KYNU: variants seen among roughly 807,000 people sequenced by gnomAD.
KYNU encodes the protein L-kynurenine hydrolase.
A neutral mutation model predicts 59.2 loss-of-function variants in KYNU; 54 were observed. The observed-to-expected ratio is 0.91, with a 90% CI of 0.73 to 1.14. The LOEUF (loss-of-function observed/expected upper bound fraction) is 1.14. KYNU is among the 50% of genes most tolerant of loss of function. KYNU has a pLI of 0.00. For synonymous variants in KYNU, 177 were observed against 192.0 expected, an observed-to-expected ratio of 0.92 and a Z score of 0.65; for missense variants, 567 against 554.4, an observed-to-expected ratio of 1.02 and a Z score of -0.23.
intron 2 of KYNU, among the ~76,000 whole-genome samples, chr2:142,888,383 A>T (rs1429729140): frequency 6.6e-6 from 1 of 152,198 alleles, no homozygotes; most frequent in African/African-American, 2.4e-5. Context: ...ACCTAAGCCC[A>T]GTAGTTCAAG....
chr2:143,026,663 C>T (rs1197119174), intron 10 of KYNU, among the ~76,000 whole-genome samples: 1 of 152,262 alleles, frequency 6.6e-6, no homozygotes, highest in Non-Finnish European at 1.5e-5. Context: ...GCAGGCCCCA[C>T]AGCAGACTCC....
chr2:142,878,385 T>A (rs1681174386), intron 1 of KYNU, among the ~76,000 whole-genome samples: 1 of 152,184 alleles, frequency 6.6e-6, no homozygotes, highest in Non-Finnish European at 1.5e-5. Flanking sequence ...ATCCTAGATA[T>A]GAAATATACA....
rs1380008067 is a variant in KYNU at position 143,049,428 on chromosome 2, C to CTA, written c.*7259_*7260dup. On this transcript the variant is annotated 3_prime_UTR_variant, in exon 14 of 14. Coordinates refer to ENST00000264170, the MANE Select transcript of KYNU (RefSeq NM_003937.3). ...TCAAACTTTGGGGTCAGGCCACACA[C>CTA]TATAAAGGATTGGAAAAAAAAATGA... 6.6e-6 allele frequency: 1 copy of CTA among 151,970 alleles called. No individual in the cohort carries two copies. The highest frequency in any genetic ancestry group is 1.5e-5 in the Non-Finnish European group (1 of 68,022). The allele number at this position is 151,970 out of a possible 1,614,324, so 9.4% of individuals were successfully genotyped here.
In KYNU at chr2:143,040,565, G is replaced by A. The variant is rs145299669; in HGVS notation, c.1179G>A (p.Pro393=). The change falls in exon 13 of 14, where the codon CCG becomes CCA. Residue 393 remains proline (P), a synonymous_variant. Transcript: ENST00000264170. ...AACCAGTTGTGAACATAATTACTCC[G>A]TCTCATGTAGAGGAGCGGGGGTGCC... ...TKKPVVNIIT[P]SHVEERGCQL... is the part of the protein sequence containing the mutation. The A allele has an allele frequency of 3.4e-5, 55 of 1,612,694 alleles. No homozygotes were observed. Among genetic ancestry groups the A allele is most frequent in the Non-Finnish European group, 4.2e-5 (49 of 1,179,178 alleles).
intron 10 of KYNU, among the ~76,000 whole-genome samples, chr2:143,005,971 A>G (rs1179045261): frequency 3.3e-5 from 5 of 152,194 alleles, no homozygotes; most frequent in Admixed American, 6.5e-5. Flanking sequence ...CTGTAAGTAG[A>G]GTCTAGAATA....
chr2:143,017,738 A>G (rs941596865), intron 10 of KYNU, among the ~76,000 whole-genome samples: 1 of 151,686 alleles, frequency 6.6e-6, no homozygotes, highest in African/African-American at 2.4e-5. Context: ...ATGCCCGGCC[A>G]TTTTTTTAAC....
chr2:142,956,232 A>G lies in KYNU; in HGVS notation c.465A>G (p.Arg155=), dbSNP rs1684160417. 6.9e-6 allele frequency: 11 copies of G among 1,603,838 alleles called. No homozygotes were observed. The highest frequency in any genetic ancestry group is 6.7e-5 in the African/African-American group (5 of 74,800). ...CATTTTTTAAGCCTACGCCAAAACGATATAAAATTCTTCTAGAAGCCAAAG... is the reference window on the plus strand; with the variant it reads ...CATTTTTTAAGCCTACGCCAAAACGGTATAAAATTCTTCTAGAAGCCAAAG... ...MLSFFKPTPK[R]YKILLEAKAF... Residue 155 remains arginine, a synonymous_variant, in exon 6 of 14, where the codon CGA becomes CGG. Coordinates refer to ENST00000264170, the MANE Select transcript of KYNU (RefSeq NM_003937.3).
chr2:142,886,867 C>T (rs1409364700), intron 2 of KYNU, among the ~76,000 whole-genome samples: 1 of 152,088 alleles, frequency 6.6e-6, no homozygotes, highest in Admixed American at 6.6e-5. Flanking sequence ...AGTCAGAACC[C>T]AGTTTAAAAA....
intron 1 of KYNU, among the ~76,000 whole-genome samples, chr2:142,881,741 T>C (rs779399374): frequency 6.6e-6 from 1 of 152,028 alleles, no homozygotes; most frequent in Non-Finnish European, 1.5e-5. Context: ...AAACTTAATA[T>C]ATCCTAAATA....
At chr2:142,882,445 C>T (rs1301669375) in intron 1 of KYNU, among the ~76,000 whole-genome samples, 1 of 151,988 alleles carries the variant, frequency 6.6e-6, no homozygotes, top group Admixed American at 6.6e-5. Flanking sequence ...TCGTCATTTA[C>T]ATTACATATT....
At chr2:143,024,569 T>C (rs552573197) in intron 10 of KYNU, among the ~76,000 whole-genome samples, 1 of 152,198 alleles carries the variant, frequency 6.6e-6, no homozygotes, top group South Asian at 2.1e-4. Flanking sequence ...ATTTCTATAT[T>C]AGTCTCTGTC....
chr2:142,984,281 TA>T (rs777379309), intron 8 of KYNU, among the ~76,000 whole-genome samples: 4 of 152,186 alleles, frequency 2.6e-5, no homozygotes, highest in South Asian at 4.1e-4. Flanking sequence ...GTATTACTAC[TA>T]TATTCATCAG....
At chr2:142,979,367 A>AT (rs1223689750) in intron 8 of KYNU, among the ~76,000 whole-genome samples, 1 of 152,094 alleles carries the variant, frequency 6.6e-6, no homozygotes, top group Non-Finnish European at 1.5e-5. Flanking sequence ...TCATTCATTT[A>AT]TTTTTTTATT....
At chr2:143,022,511 CA>C (rs1686438347) in intron 10 of KYNU, among the ~76,000 whole-genome samples, 2 of 151,810 alleles carry the variant, frequency 1.3e-5, no homozygotes, top group South Asian at 4.1e-4. Flanking sequence ...AATAGCATCA[CA>C]AAAAATGATA....
chr2:143,002,642 A>C (rs1685736374), intron 10 of KYNU, among the ~76,000 whole-genome samples: 1 of 152,236 alleles, frequency 6.6e-6, no homozygotes, highest in Non-Finnish European at 1.5e-5. Context: ...AAATAAGAAG[A>C]AAGATTGAAA....
chr2:143,032,291 A>AC (rs898473938), intron 11 of KYNU, among the ~76,000 whole-genome samples: 2 of 83,466 alleles, frequency 2.4e-5, no homozygotes, highest in African/African-American at 6.8e-5. Flanking sequence ...AACAAAAACA[A>AC]AAAAAAAAAA....
intron 2 of KYNU, among the ~76,000 whole-genome samples, chr2:142,913,503 C>A (rs1682572619): frequency 6.6e-6 from 1 of 152,092 alleles, no homozygotes; most frequent in Non-Finnish European, 1.5e-5. Context: ...TAGTGTACTT[C>A]TGAGAGATCT....
intron 2 of KYNU, among the ~76,000 whole-genome samples, chr2:142,902,034 T>TTAATA (rs747731000): frequency 1.3e-5 from 2 of 152,210 alleles, no homozygotes; most frequent in Non-Finnish European, 2.9e-5. Context: ...TAATAGAGCC[T>TTAATA]GATATTTAAG....
Position 143,042,088 on chromosome 2 carries a change from T to A in KYNU, c.1314T>A (p.Val438=). 1 of 1,611,638 alleles carries A rather than the reference T, an allele frequency of 6.2e-7. No individual in the cohort carries two copies. Among genetic ancestry groups the A allele is most frequent in the Non-Finnish European group, 8.5e-7 (1 of 1,178,342 alleles). ...CAAATGGCATTCGAGTGGCTCCAGT[T>A]CCTCTCTATAATTCTTTCCATGATG... The part of the protein sequence containing the change: ...RNPNGIRVAP[V]PLYNSFHDVY... The change falls in exon 14 of 14, where the codon GTT becomes GTA. Residue 438 remains valine, a synonymous_variant. Transcript: ENST00000264170.
Sources: gnomAD v4.1 joint callset for allele counts (sites outside exome capture counted in the v4.1 genomes callset) on GRCh38, gnomAD v4.1.1 for gene constraint, MANE v1.5 for transcripts, NCBI Gene and HGNC (gene_info 2026-07-23, HGNC 2026-07-21) for gene names.